The following GPC6 variants were observed in gnomAD, a reference collection of about 807,000 sequenced individuals.
GPC6 encodes glypican 6.
Under a neutral mutation model 55.2 loss-of-function variants are expected in GPC6, and 14 were observed. That is an observed-to-expected ratio of 0.25 (90% CI 0.17 to 0.40). The LOEUF is 0.40. Ranked by LOEUF, GPC6 falls within the 10% of genes least tolerant of loss-of-function variation. GPC6 has a pLI of 1.00. For missense variants in GPC6, 641 were observed against 708.5 expected (o/e 0.90, Z 1.08); for synonymous variants, 278 against 259.6 (o/e 1.07, Z -0.68).
chr13:93,836,165 T>C (rs935044154), intron 3 of GPC6: 5 of 152,172 alleles, frequency 3.3e-5, no homozygotes, highest in Non-Finnish European at 7.4e-5. Flanking sequence ...ACAGACAAAG[T>C]CAACTTTCAA....
In GPC6 at chr13:93,558,094, G is replaced by A. The variant is rs146547654; in HGVS notation, c.319+12673G>A. Among the ~76,000 whole-genome samples the A allele has an allele frequency of 1.5e-3, 225 of 152,262 alleles. 1 individual carries two copies. Among genetic ancestry groups the A allele is most frequent in the African/African-American group, 4.9e-3 (204 of 41,562 alleles). On this transcript the variant is annotated intron_variant, in intron 2 of 8. Coordinates refer to ENST00000377047, the MANE Select transcript of GPC6 (RefSeq NM_005708.5). ...AATGTGTTTCAAGTATAGGAGGTGCGTTGTATTGACAAAATGATCTTGTAA... is the reference window on the plus strand; with the variant it reads ...AATGTGTTTCAAGTATAGGAGGTGCATTGTATTGACAAAATGATCTTGTAA...
chr13:94,211,617 A>C (rs1466425023), intron 4 of GPC6, among the ~76,000 whole-genome samples: 3 of 152,216 alleles, frequency 2.0e-5, no homozygotes, highest in African/African-American at 7.2e-5. Context: ...TGGACAGAGG[A>C]ATTAGTATCA....
At chr13:93,943,463 C>G (rs1387615501) in intron 3 of GPC6, among the ~76,000 whole-genome samples, 1 of 152,102 alleles carries the variant, frequency 6.6e-6, no homozygotes, top group Non-Finnish European at 1.5e-5. Flanking sequence ...TAAGTGGAAT[C>G]GCTTGCATCC....
intron 4 of GPC6, among the ~76,000 whole-genome samples, chr13:94,107,082 C>T (rs1886082300): frequency 6.6e-6 from 1 of 152,100 alleles, no homozygotes; most frequent in African/African-American, 2.4e-5. Context: ...AAAAAAGACG[C>T]AGTTGAAAGG....
chr13:93,513,203 C>T (rs1359488859), intron 1 of GPC6, among the ~76,000 whole-genome samples: 1 of 152,148 alleles, frequency 6.6e-6, no homozygotes, highest in Non-Finnish European at 1.5e-5. Flanking sequence ...TAGTAGTTTC[C>T]ACCTTTTTTA....
chr13:93,626,991 G>A (rs764053856), intron 2 of GPC6, among the ~76,000 whole-genome samples: 1 of 152,056 alleles, frequency 6.6e-6, no homozygotes, highest in Non-Finnish European at 1.5e-5. Flanking sequence ...GAGAGAGAGG[G>A]AAGTGCTACA....
intron 4 of GPC6, among the ~76,000 whole-genome samples, chr13:94,199,858 G>A (rs1019473341): frequency 6.6e-6 from 1 of 152,080 alleles, no homozygotes; most frequent in Non-Finnish European, 1.5e-5. Flanking sequence ...AGTTTCTCGT[G>A]TGTTAAAAAT....
chr13:93,401,861 G>GT (rs1375658398), intron 1 of GPC6, among the ~76,000 whole-genome samples: 2 of 151,552 alleles, frequency 1.3e-5, no homozygotes, highest in East Asian at 1.9e-4. Context: ...GATAGAGTAG[G>GT]TTTTTTCCTT....
At chr13:93,298,715 T>A (rs1353933447) in intron 1 of GPC6, among the ~76,000 whole-genome samples, 2 of 152,046 alleles carry the variant, frequency 1.3e-5, no homozygotes, top group African/African-American at 4.8e-5. Flanking sequence ...CCCAAAGTGC[T>A]GGGATTGTAG....
At chr13:93,509,401 C>T (rs1409649581) in intron 1 of GPC6, among the ~76,000 whole-genome samples, 2 of 152,156 alleles carry the variant, frequency 1.3e-5, no homozygotes, top group Admixed American at 1.3e-4. Flanking sequence ...TCATGGTTGA[C>T]ATGGATTCAA....
intron 2 of GPC6, among the ~76,000 whole-genome samples, chr13:93,573,061 G>GT (rs1011573670): frequency 6.6e-6 from 1 of 151,974 alleles, no homozygotes; most frequent in African/African-American, 2.4e-5. Context: ...AGAATGTTCT[G>GT]TAAAAAGTCA....
chr13:93,541,716 A>G (rs1046273117), intron 1 of GPC6, among the ~76,000 whole-genome samples: 2 of 144,778 alleles, frequency 1.4e-5, no homozygotes, highest in Admixed American at 7.2e-5. Flanking sequence ...AATGATTGCC[A>G]TTCTAACTGC....
intron 1 of GPC6, among the ~76,000 whole-genome samples, chr13:93,238,760 T>G (rs1006152946): frequency 1.3e-5 from 2 of 148,222 alleles, no homozygotes; most frequent in East Asian, 4.0e-4. Flanking sequence ...TGAAGTATGC[T>G]CCTTCTATGC....
chr13:93,983,441 T>C (rs79101353), intron 3 of GPC6, among the ~76,000 whole-genome samples: 1 of 152,048 alleles, frequency 6.6e-6, no homozygotes, highest in East Asian at 1.9e-4. Flanking sequence ...GTTTTTTTTT[T>C]AATTACTTTT....
chr13:93,743,517 G>A (rs578171803), intron 2 of GPC6, among the ~76,000 whole-genome samples: 50 of 151,906 alleles, frequency 3.3e-4, no homozygotes, highest in Non-Finnish European at 2.4e-4. Context: ...GGCTCTTACA[G>A]TCTATTTCCT....
At chr13:93,257,817 G>A (rs1178485166) in intron 1 of GPC6, among the ~76,000 whole-genome samples, 3 of 152,158 alleles carry the variant, frequency 2.0e-5, no homozygotes, top group Non-Finnish European at 4.4e-5. Flanking sequence ...ATTTTCAAAG[G>A]AGAAAATTAA....
At chr13:94,165,015 C>G (rs1368124367) in intron 4 of GPC6, among the ~76,000 whole-genome samples, 1 of 151,798 alleles carries the variant, frequency 6.6e-6, no homozygotes, top group Non-Finnish European at 1.5e-5. Flanking sequence ...AAAAGTAGAA[C>G]TACCATTCAA....
chr13:93,440,915 A>G (rs1224903471), intron 1 of GPC6, among the ~76,000 whole-genome samples: 2 of 151,834 alleles, frequency 1.3e-5, no homozygotes, highest in East Asian at 1.9e-4. Flanking sequence ...TCATTGTTCA[A>G]TTCCCACCTA....
intron 4 of GPC6, among the ~76,000 whole-genome samples, chr13:94,132,353 C>T (rs1887031051): frequency 6.6e-6 from 1 of 152,142 alleles, no homozygotes; most frequent in Non-Finnish European, 1.5e-5. Flanking sequence ...CATAGGAATG[C>T]ACATGCCTTC....
Sources: allele counts gnomAD v4.1 joint callset (sites outside exome capture counted in the v4.1 genomes callset), GRCh38; gene constraint gnomAD v4.1.1; transcripts MANE v1.5; gene names NCBI Gene and HGNC (gene_info 2026-07-23, HGNC 2026-07-21).